The following PCDHA3 variants were observed in gnomAD, a reference collection of about 807,000 sequenced individuals.
PCDHA3 encodes the protein protocadherin alpha-3.
PCDHA3 carries 41 observed loss-of-function variants against 62.2 expected under a neutral mutation model. The ratio of observed to expected loss-of-function variants is 0.66; its 90% CI spans 0.51 to 0.86. The LOEUF (loss-of-function observed/expected upper bound fraction) is 0.86, where lower values mean the gene tolerates loss of function less well. PCDHA3 is among the 40% of genes least tolerant of loss of function. The probability of loss-of-function intolerance (pLI) is 0.00; values close to 1 mark genes in which losing one functional copy is unlikely to be tolerated. For synonymous variants in PCDHA3, 640 were observed against 555.4 expected, an observed-to-expected ratio of 1.15 and a Z score of -2.14; for missense variants, 1,304 against 1,241.2, an observed-to-expected ratio of 1.05 and a Z score of -0.76.
intron 1 of PCDHA3, among the ~76,000 whole-genome samples, chr5:140,872,990 A>C (rs987650775): frequency 6.6e-6 from 1 of 152,184 alleles, no homozygotes; most frequent in African/African-American, 2.4e-5. Context: ...AAGATCATTT[A>C]CTTCTGAGTC....
intron 1 of PCDHA3, chr5:140,822,238 G>A: frequency 6.2e-7 from 1 of 1,614,216 alleles, no homozygotes; most frequent in South Asian, 1.1e-5. Flanking sequence ...TCCGCTAGAG[G>A]GCGCGTCGGA....
At chr5:140,883,773 G>T (rs1362933627) in intron 1 of PCDHA3, 4 of 1,612,256 alleles carry the variant, frequency 2.5e-6, no homozygotes, top group Admixed American at 1.7e-5. Flanking sequence ...GTGGGCGAGC[G>T]TGCGCTGTCG....
intron 1 of PCDHA3, among the ~76,000 whole-genome samples, chr5:140,819,287 T>G (rs988758166): frequency 4.6e-5 from 7 of 152,124 alleles, no homozygotes; most frequent in African/African-American, 7.2e-5. Flanking sequence ...AGAAGAAAAA[T>G]ATAGCTTATT....
chr5:140,928,623 A>G (rs1554206072), intron 1 of PCDHA3: 1 of 1,614,210 alleles, frequency 6.2e-7, no homozygotes, highest in African/African-American at 1.3e-5. Flanking sequence ...CCAGGACTGG[A>G]CACTTGGTCA....
chr5:140,882,438 C>A lies in PCDHA3; in HGVS notation c.2394+78847C>A, dbSNP rs782795158. On this transcript the variant is annotated intron_variant, in intron 1 of 3. Coordinates refer to ENST00000522353, the MANE Select transcript of PCDHA3 (RefSeq NM_018906.3). ...GCTCAGGACCTGGGGCTGGAGCTGG[C>A]GGAGCTGGTGCCGCGCCTGTTCCGG... 3.1e-6 allele frequency: 5 copies of A among 1,613,902 alleles called. No individual in the cohort carries two copies. In the Admixed American group the frequency reaches 5.0e-5, roughly 16 times the overall value.
intron 1 of PCDHA3, chr5:140,856,766 A>C: frequency 1.3e-6 from 2 of 1,596,904 alleles, no homozygotes. Context: ...TAACGCCCCT[A>C]TCTTTGACAG....
chr5:140,934,580 T>C lies in PCDHA3; in HGVS notation c.2395-44369T>C, dbSNP rs531235009. 3.9e-5 allele frequency among the ~76,000 whole-genome samples: 6 copies of C among 152,296 alleles called. No individual in the cohort carries two copies. In the East Asian group the frequency reaches 1.2e-3, roughly 29 times the overall value. On this transcript the variant is annotated intron_variant, in intron 1 of 3. Transcript: ENST00000522353. ...CTTTTTTTTAATTAATTGTAACATT[T>C]CTGTAATGGGTCTTCAACTATTTGA...
chr5:140,835,085 C>T (rs2150230592), intron 1 of PCDHA3: 2 of 1,227,056 alleles, frequency 1.6e-6, no homozygotes, highest in Admixed American at 2.4e-5. Context: ...CGGTACTGGA[C>T]AACAATGACA....
rs73793505 is a variant in PCDHA3, at chr5:140,858,470, T to C, written c.2394+54879T>C. The C allele has an allele frequency of 3.2e-3, 4,807 of 1,519,778 alleles. 358 individuals are homozygous for C. In the African/African-American group the frequency reaches 0.058, roughly 18 times the overall value. 94.1% of individuals were successfully genotyped at this position (1,519,778 alleles called of 1,614,324 possible). A position where few individuals can be genotyped will look rare whatever the true frequency, so the allele number is the denominator to read the frequency against. On this transcript the variant is annotated intron_variant, in intron 1 of 3. Transcript: ENST00000522353. ...TTACGTTTTCATTTTCCTTTTGTGC[T>C]TTATGAATAATATTTTCTCTTACCG...
At chr5:140,916,263 C>A (rs541005754) in intron 1 of PCDHA3, among the ~76,000 whole-genome samples, 43 of 152,316 alleles carry the variant, frequency 2.8e-4, no homozygotes, top group African/African-American at 1.0e-3. Flanking sequence ...ACCCCAAGAG[C>A]ATGCTTGTTG....
At chr5:140,837,745 T>C (rs1305157984) in intron 1 of PCDHA3, among the ~76,000 whole-genome samples, 1 of 151,794 alleles carries the variant, frequency 6.6e-6, no homozygotes, top group East Asian at 1.9e-4. Context: ...GGTGGGATTA[T>C]AGCCCACTGC....
intron 3 of PCDHA3, 94 bp from the exon 4 acceptor site, chr5:141,009,533 G>C: frequency 1.3e-6 from 2 of 1,509,446 alleles, no homozygotes; most frequent in Non-Finnish European, 1.8e-6. Context: ...GGGAGGTTCA[G>C]CCTGCCTATG....
chr5:140,846,374 T>C (rs1024304715), intron 1 of PCDHA3, among the ~76,000 whole-genome samples: 1 of 30,854 alleles, frequency 3.2e-5, no homozygotes, highest in African/African-American at 1.1e-4. Context: ...TCTTTCTTTC[T>C]TTTTTTTTTT....
chr5:140,873,776 T>C (rs1001856431), intron 1 of PCDHA3, among the ~76,000 whole-genome samples: 13 of 152,208 alleles, frequency 8.5e-5, no homozygotes, highest in Non-Finnish European at 1.9e-4. Context: ...TTCTCCTGCC[T>C]CAGCTTTCCG....
chr5:140,850,829 T>C (rs1431549655), intron 1 of PCDHA3: 6 of 1,597,986 alleles, frequency 3.8e-6, no homozygotes, highest in Non-Finnish European at 4.3e-6. Context: ...GCCTTTCTCC[T>C]TGTGCTGGAT....
intron 1 of PCDHA3, chr5:140,966,896 C>G (rs910624863): frequency 6.3e-6 from 10 of 1,596,816 alleles, no homozygotes; most frequent in Non-Finnish European, 8.5e-6. Flanking sequence ...GGCCTCCCAG[C>G]TGCGATACTC....
rs2150326977 is a variant in PCDHA3, at chr5:140,841,986, T to C, written c.2394+38395T>C. ...GCCACAGATGGGGGCAAACCTGAGCTCACAGGCACTGTTCAGCTGCTGGTC... is the reference window on the plus strand; with the variant it reads ...GCCACAGATGGGGGCAAACCTGAGCCCACAGGCACTGTTCAGCTGCTGGTC... On this transcript the variant is annotated intron_variant, in intron 1 of 3. Transcript: ENST00000522353. 2 of 1,613,792 alleles carry C rather than the reference T, an allele frequency of 1.2e-6. 1 individual carries two copies. The highest frequency in any genetic ancestry group is 4.5e-5 in the East Asian group (2 of 44,836).
chr5:140,852,974 G>T (rs1554146261), intron 1 of PCDHA3: 2 of 368,228 alleles, frequency 5.4e-6, no homozygotes, highest in East Asian at 1.6e-4. Context: ...CCCCTCCCGT[G>T]TTCACGCCAT....
chr5:140,826,724 C>A (rs144963704), intron 1 of PCDHA3, among the ~76,000 whole-genome samples: 1 of 152,130 alleles, frequency 6.6e-6, no homozygotes, highest in Non-Finnish European at 1.5e-5. Flanking sequence ...AGAGGAAGAG[C>A]AAGTGGTCTA....
Sources: gnomAD v4.1 joint callset for allele counts (sites outside exome capture counted in the v4.1 genomes callset) on GRCh38, gnomAD v4.1.1 for gene constraint, MANE v1.5 for transcripts, NCBI Gene and HGNC (gene_info 2026-07-23, HGNC 2026-07-21) for gene names.